Variants in LPCAT1 observed in about 807,000 individuals in gnomAD.
LPCAT1 encodes the protein 1-acylglycerol-3-phosphate O-acyltransferase.
In LPCAT1, 23 loss-of-function variants were observed where a neutral mutation model predicts 60.9. The observed-to-expected ratio is 0.38, with a 90% CI of 0.27 to 0.53. The LOEUF (loss-of-function observed/expected upper bound fraction) is 0.53, where lower values mean the gene tolerates loss of function less well. Ranked by LOEUF, LPCAT1 falls within the 20% of genes least tolerant of loss-of-function variation. The pLI is 0.82. For missense variants in LPCAT1, 622 were observed against 723.6 expected, an observed-to-expected ratio of 0.86 and a Z score of 1.61; for synonymous variants, 340 against 301.1, an observed-to-expected ratio of 1.13 and a Z score of -1.34.
chr5:1,493,210 C>T (rs1735656423), intron 3 of LPCAT1, among the ~76,000 whole-genome samples: 1 of 152,252 alleles, frequency 6.6e-6, no homozygotes, highest in Admixed American at 6.5e-5. Context: ...GGACCATCCC[C>T]GATTTCCAAG....
In LPCAT1 at chr5:1,463,379, C is replaced by T; in HGVS notation, c.*272G>A. On this transcript the variant is annotated 3_prime_UTR_variant, in exon 14 of 14. Transcript: ENST00000283415. ...GGAGAACACGGGGCGGCACCGGTGC[C>T]CCCCGCCCGGCAGGGAACCTGACCC... The T allele has an allele frequency of 2.2e-6, 1 of 456,572 alleles. No homozygotes were observed. Among genetic ancestry groups the T allele is most frequent in the Non-Finnish European group, 3.9e-6 (1 of 256,744 alleles). 28.3% of individuals were successfully genotyped at this position (456,572 alleles called of 1,614,324 possible).
Position 1,523,070 on chromosome 5 carries a change from G to C in LPCAT1, c.135+640C>G, listed in dbSNP as rs1428748383. 6.6e-6 allele frequency among the ~76,000 whole-genome samples: 1 copy of C among 152,244 alleles called. No individual in the cohort carries two copies. Among genetic ancestry groups the C allele is most frequent in the East Asian group, 1.9e-4 (1 of 5,186 alleles). ...AAGCATCCCTTACAACAGGAGCGAA[G>C]CATGCACCCCAGAAGGCAACGTGCG... On this transcript the variant is annotated intron_variant, in intron 1 of 13. Coordinates refer to ENST00000283415, the MANE Select transcript of LPCAT1 (RefSeq NM_024830.5). This position sits in a 1 kb window ranked among gnomAD's most constrained non-coding sequence, Gnocchi z 7.1.
At chr5:1,497,030 C>T (rs559329641) in intron 2 of LPCAT1, among the ~76,000 whole-genome samples, 15 of 152,294 alleles carry the variant, frequency 9.8e-5, no homozygotes, top group South Asian at 2.1e-4. Flanking sequence ...AATCCTGAGA[C>T]GTGTGAGCAG....
chr5:1,512,413 TG>T (rs1736384848), intron 1 of LPCAT1, among the ~76,000 whole-genome samples: 1 of 152,202 alleles, frequency 6.6e-6, no homozygotes, highest in South Asian at 2.1e-4. Context: ...TCACTATCCC[TG>T]AAGCACCCAG....
chr5:1,484,807 G>A (rs550307061), intron 5 of LPCAT1, among the ~76,000 whole-genome samples: 2 of 152,284 alleles, frequency 1.3e-5, no homozygotes, highest in South Asian at 2.1e-4. Context: ...GGGCCCGTGT[G>A]CCGCAGCTTC....
intron 1 of LPCAT1, among the ~76,000 whole-genome samples, chr5:1,513,976 C>A (rs888347466): frequency 2.0e-5 from 3 of 152,220 alleles, no homozygotes; most frequent in South Asian, 4.1e-4. Flanking sequence ...GGGCGGGACA[C>A]CCTGCGATTA....
chr5:1,485,554 G>A (rs1329097257), intron 5 of LPCAT1, among the ~76,000 whole-genome samples: 2 of 152,158 alleles, frequency 1.3e-5, no homozygotes, highest in African/African-American at 2.4e-5. Flanking sequence ...TTGCAACAAT[G>A]AGGCTGGAAG....
chr5:1,515,604 C>T (rs948698088), intron 1 of LPCAT1, among the ~76,000 whole-genome samples: 4 of 151,634 alleles, frequency 2.6e-5, no homozygotes, highest in Admixed American at 1.3e-4. Flanking sequence ...GCACTATCTA[C>T]AGATACTGGG....
intron 3 of LPCAT1, among the ~76,000 whole-genome samples, chr5:1,493,737 C>T (rs1459403829): frequency 1.3e-5 from 2 of 152,228 alleles, no homozygotes; most frequent in Non-Finnish European, 2.9e-5. Flanking sequence ...ACGCAGGGCT[C>T]CCTACAGTCC....
intron 13 of LPCAT1, among the ~76,000 whole-genome samples, chr5:1,464,676 CG>C (rs1734258392): frequency 7.3e-6 from 1 of 137,000 alleles, no homozygotes; most frequent in African/African-American, 2.8e-5. Context: ...CGCACACACA[CG>C]GTAAACAAAC....
chr5:1,463,341 C>A lies in LPCAT1; in HGVS notation c.*310G>T. The A allele has an allele frequency of 3.0e-6, 1 of 332,082 alleles. No individual in the cohort carries two copies. The highest frequency in any genetic ancestry group is 5.5e-6 in the Non-Finnish European group (1 of 180,450). The allele number at this position is 332,082 out of a possible 1,614,324, so 20.6% of individuals were successfully genotyped here. A position where few individuals can be genotyped will look rare whatever the true frequency, so the allele number is the denominator to read the frequency against. On this transcript the variant is annotated 3_prime_UTR_variant, in exon 14 of 14. Transcript: ENST00000283415. ...AAGAGGCTGTGACAGAGACTCGAAA[C>A]CAGGGCCCCGTGGGAGAACACGGGG...
At chr5:1,488,205 A>T (rs1406014049) in intron 5 of LPCAT1, among the ~76,000 whole-genome samples, 186 bp downstream of exon 5, 2 of 152,188 alleles carry the variant, frequency 1.3e-5, no homozygotes, top group African/African-American at 2.4e-5. Flanking sequence ...TCCTGCAAAC[A>T]TGATAATCCT....
rs985098219 is a variant in LPCAT1, at chr5:1,523,422, G to A, written c.135+288C>T. Reference sequence around the variant, plus strand: ...GGTTCAGGGTGCAGGGGTCTGGGGGGAGGAGCAGAACGCGGGGCGGGGATG... The same window carrying A: ...GGTTCAGGGTGCAGGGGTCTGGGGGAAGGAGCAGAACGCGGGGCGGGGATG... On this transcript the variant is annotated intron_variant, in intron 1 of 13. Coordinates refer to ENST00000283415, the MANE Select transcript of LPCAT1 (RefSeq NM_024830.5). The surrounding 1 kb of genome is among the most constrained non-coding windows in gnomAD (Gnocchi z 7.1). Among the ~76,000 whole-genome samples, 8 of 151,876 alleles carry A rather than the reference G, an allele frequency of 5.3e-5. No homozygotes were observed. Among genetic ancestry groups the A allele is most frequent in the Non-Finnish European group, 8.8e-5 (6 of 67,864 alleles).
intron 13 of LPCAT1, among the ~76,000 whole-genome samples, chr5:1,465,513 GCA>G (rs150678432): frequency 0.11 from 16,397 of 148,152 alleles, 1,022 homozygotes; most frequent in Non-Finnish European, 0.14. Flanking sequence ...AAACACGTGT[GCA>G]CACACACAAA....
chr5:1,464,835 TAC>T lies in LPCAT1; in HGVS notation c.1421-1002_1421-1001del, dbSNP rs764569778. Among the ~76,000 whole-genome samples the T allele has an allele frequency of 7.0e-4, 99 of 141,450 alleles. 1 individual carries two copies. The East Asian group carries it at 0.011, about 16-fold the overall frequency. The allele number at this position is 141,450 out of a possible 152,430, so 92.8% of individuals were successfully genotyped here. ...CACACACGGTAATCACACATGCACGTACACACAAGTGTGTGCACACACAGTAA... is the reference window on the plus strand; with the variant it reads ...CACACACGGTAATCACACATGCACGTACACAAGTGTGTGCACACACAGTAA... On this transcript the variant is annotated intron_variant, in intron 13 of 13. Transcript: ENST00000283415.
At chr5:1,488,501 A>T in intron 4 of LPCAT1, 50 bp from the exon 5 acceptor site, 2 of 1,261,218 alleles carry the variant, frequency 1.6e-6, no homozygotes, top group Non-Finnish European at 2.2e-6. Flanking sequence ...ACATAATTAT[A>T]ATTCAGAACT....
chr5:1,493,691 G>A (rs1414301371), intron 3 of LPCAT1, among the ~76,000 whole-genome samples: 1 of 152,244 alleles, frequency 6.6e-6, no homozygotes, highest in Non-Finnish European at 1.5e-5. Flanking sequence ...ACAGAGCTCT[G>A]GTGGGTCAGG....
At chr5:1,489,697 A>G in intron 4 of LPCAT1, 49 bp downstream of exon 4, 1 of 1,367,502 alleles carries the variant, frequency 7.3e-7, no homozygotes, top group African/African-American at 1.4e-5. Context: ...CGAAGTTCGC[A>G]TCTTTCGGAA....
chr5:1,474,349 G>A (rs1342025906), intron 10 of LPCAT1, among the ~76,000 whole-genome samples: 2 of 152,234 alleles, frequency 1.3e-5, no homozygotes, highest in Admixed American at 1.3e-4. Flanking sequence ...AGGACACAGG[G>A]TGGCCCTCCT....
Sources: allele counts gnomAD v4.1 joint callset (sites outside exome capture counted in the v4.1 genomes callset), GRCh38; gene constraint gnomAD v4.1.1; non-coding constraint Gnocchi (gnomAD v3.1); transcripts MANE v1.5; gene names NCBI Gene and HGNC (gene_info 2026-07-23, HGNC 2026-07-21).